The following BMPR2 variants were observed in gnomAD, a reference collection of about 807,000 sequenced individuals.
BMPR2 encodes bone morphogenetic protein receptor type 2, also known as bone morphogenetic protein receptor type-2.
BMPR2 carries 29 observed loss-of-function variants against 100.8 expected under a neutral mutation model. The observed-to-expected ratio is 0.29, with a 90% CI of 0.21 to 0.39. The LOEUF is 0.39. Among genes scored for constraint, BMPR2 ranks in the 10% least tolerant of loss-of-function variants. The pLI is 1.00. For missense variants in BMPR2, 1,011 were observed against 1,274.5 expected, an observed-to-expected ratio of 0.79 and a Z score of 3.15; for synonymous variants, 382 against 442.3, an observed-to-expected ratio of 0.86 and a Z score of 1.71.
chr2:202,476,988 A>C (rs1178300922), intron 3 of BMPR2, among the ~76,000 whole-genome samples: 1 of 151,792 alleles, frequency 6.6e-6, no homozygotes, highest in Non-Finnish European at 1.5e-5. Flanking sequence ...AGAGAAGCAT[A>C]AGGTTTCACT....
At chr2:202,378,165 C>T (rs920869125) in intron 1 of BMPR2, among the ~76,000 whole-genome samples, 1 of 152,150 alleles carries the variant, frequency 6.6e-6, no homozygotes, top group African/African-American at 2.4e-5. Context: ...TATCTATTGG[C>T]TTTGCTGTCG....
intron 1 of BMPR2, among the ~76,000 whole-genome samples, chr2:202,392,503 G>A (rs925023547): frequency 1.8e-4 from 27 of 152,126 alleles, no homozygotes; most frequent in African/African-American, 6.3e-4. Context: ...TATTTGATAC[G>A]TGTAAAATAT....
rs533993036 is a variant in BMPR2 at position 202,538,335 on chromosome 2, A to T, written c.1277-3976A>T. The stretch of plus-strand genomic sequence containing the variant: ...GCTGGTCGTGGTGGCAGTCACCTGT[A>T]ATTCTAGCTACTTGGGAGTCTGAGG... On this transcript the variant is annotated intron_variant, in intron 9 of 12. Coordinates refer to ENST00000374580, the MANE Select transcript of BMPR2 (RefSeq NM_001204.7). 2.7e-3 allele frequency among the ~76,000 whole-genome samples: 411 copies of T among 151,936 alleles called. 2 individuals are homozygous for T. Among genetic ancestry groups the T allele is most frequent in the Non-Finnish European group, 5.0e-3 (337 of 67,954 alleles).
chr2:202,406,003 A>G (rs971377298), intron 1 of BMPR2, among the ~76,000 whole-genome samples: 1 of 148,068 alleles, frequency 6.8e-6, no homozygotes, highest in African/African-American at 2.4e-5. Flanking sequence ...CTAGAACAGT[A>G]GAAACTCTGT....
intron 1 of BMPR2, among the ~76,000 whole-genome samples, chr2:202,450,872 T>C (rs1275572387): frequency 6.6e-6 from 1 of 152,140 alleles, no homozygotes; most frequent in Non-Finnish European, 1.5e-5. Flanking sequence ...TACTCTGAAA[T>C]CCCAGTTGTA....
In BMPR2 at chr2:202,556,408, G is replaced by A. The variant is rs1356985660; in HGVS notation, c.2743G>A (p.Val915Ile). 1 of 1,614,206 alleles carries A rather than the reference G, an allele frequency of 6.2e-7. No individual in the cohort carries two copies. Residue 915 changes from valine to isoleucine, a missense_variant, in exon 12 of 13, where the codon GTT becomes ATT. Transcript: ENST00000374580. ...CAGCAATCCATGTTCAGAACAAGAT[G>A]TTCTTGCACAGGGTGTTCCAAGCAC... is the stretch of plus-strand genomic sequence containing the variant. The part of the protein sequence containing the change: ...NNSNPCSEQD[V>I]LAQGVPSTAA...
At chr2:202,445,437 A>C (rs1342209603) in intron 1 of BMPR2, among the ~76,000 whole-genome samples, 2 of 149,694 alleles carry the variant, frequency 1.3e-5, no homozygotes, top group Non-Finnish European at 2.9e-5. Context: ...ATGTTGCCCA[A>C]GCTGATCTCA....
At chr2:202,399,917 A>G (rs1157725281) in intron 1 of BMPR2, among the ~76,000 whole-genome samples, 1 of 152,130 alleles carries the variant, frequency 6.6e-6, no homozygotes, top group East Asian at 1.9e-4. Context: ...TTCCAGACCA[A>G]TCCGGGGAGC....
chr2:202,376,503 G>T lies in BMPR2; in HGVS notation c.-972G>T, dbSNP rs1318862365. 7.2e-6 allele frequency among the ~76,000 whole-genome samples: 1 copy of T among 139,486 alleles called. No individual in the cohort carries two copies. The allele number at this position is 139,486 out of a possible 152,430, so 91.5% of individuals were successfully genotyped here. A position where few individuals can be genotyped will look rare whatever the true frequency, so the allele number is the denominator to read the frequency against. ...GTTCCGTCAGGAGCCCAGAGCTGCG[G>T]GAGAACGAGGCGGCGGCGGCGGCGG... On this transcript the variant is annotated 5_prime_UTR_variant, in exon 1 of 13. Transcript: ENST00000374580.
intron 1 of BMPR2, among the ~76,000 whole-genome samples, chr2:202,449,830 G>C (rs1382212576): frequency 6.6e-6 from 1 of 152,080 alleles, no homozygotes; most frequent in Non-Finnish European, 1.5e-5. Flanking sequence ...GGGTGCGGTG[G>C]CTCACGCCTG....
In BMPR2 at chr2:202,552,814, T is replaced by G. The variant is rs777417397; in HGVS notation, c.1512T>G (p.Leu504=). The G allele has an allele frequency of 3.6e-5, 58 of 1,614,046 alleles. No homozygotes were observed. Among genetic ancestry groups the G allele is most frequent in the Non-Finnish European group, 4.2e-5 (49 of 1,180,032 alleles). The change falls in exon 11 of 13, where the codon CTT becomes CTG. Residue 504 remains leucine (L), a synonymous_variant. Transcript: ENST00000374580. The part of the protein sequence containing the change: ...AQCAEERMAE[L]MMIWERNKSV... ...GTGCTGAGGAAAGGATGGCTGAACT[T>G]ATGATGATTTGGGAAAGAAACAAAT...
intron 5 of BMPR2, among the ~76,000 whole-genome samples, chr2:202,517,647 G>T (rs1687738513): frequency 6.6e-6 from 1 of 151,652 alleles, no homozygotes; most frequent in Non-Finnish European, 1.5e-5. Flanking sequence ...ACCACGCCCG[G>T]CCTCAGTTAT....
At chr2:202,473,981 T>G (rs1692487294) in intron 3 of BMPR2, among the ~76,000 whole-genome samples, 1 of 149,780 alleles carries the variant, frequency 6.7e-6, no homozygotes, top group Non-Finnish European at 1.5e-5. Flanking sequence ...GGCACACCCC[T>G]GTAGTCCCAG....
At chr2:202,475,124 T>A (rs903748853) in intron 3 of BMPR2, 1 of 152,176 alleles carries the variant, frequency 6.6e-6, no homozygotes, top group Non-Finnish European at 1.5e-5. Context: ...TCCAGGTTAC[T>A]ATATATGTTT....
In BMPR2 at chr2:202,414,827, C is replaced by G. The variant is rs556895720; in HGVS notation, c.76+37277C>G. Reference sequence around the variant, plus strand: ...CAATCTTGGCTCACTGCAGCCTCCACTTCCTGGGTTCAAGCAATTCTCCTG... The same window carrying G: ...CAATCTTGGCTCACTGCAGCCTCCAGTTCCTGGGTTCAAGCAATTCTCCTG... On this transcript the variant is annotated intron_variant, in intron 1 of 12. Coordinates refer to ENST00000374580, the MANE Select transcript of BMPR2 (RefSeq NM_001204.7). Among the ~76,000 whole-genome samples the G allele has an allele frequency of 4.6e-5, 7 of 152,248 alleles. 1 individual carries two copies. The South Asian group carries it at 1.4e-3, about 32-fold the overall frequency.
intron 3 of BMPR2, among the ~76,000 whole-genome samples, chr2:202,504,793 C>T (rs973370801): frequency 2.0e-5 from 3 of 151,196 alleles, no homozygotes; most frequent in African/African-American, 7.3e-5. Flanking sequence ...GATTCTCCTG[C>T]CTCAGCCTCC....
chr2:202,536,345 C>T (rs1688157493), intron 9 of BMPR2, among the ~76,000 whole-genome samples: 1 of 151,988 alleles, frequency 6.6e-6, no homozygotes, highest in Non-Finnish European at 1.5e-5. Context: ...AACTCCTGGG[C>T]TCAAGTGATC....
chr2:202,418,771 T>A (rs1691193613), intron 1 of BMPR2, among the ~76,000 whole-genome samples: 1 of 152,170 alleles, frequency 6.6e-6, no homozygotes. Flanking sequence ...GTAGCAGGCT[T>A]CACAGAGAAT....
chr2:202,480,724 C>A (rs1302628887), intron 3 of BMPR2, among the ~76,000 whole-genome samples: 1 of 151,660 alleles, frequency 6.6e-6, no homozygotes, highest in Non-Finnish European at 1.5e-5. Flanking sequence ...GAGGCCGAGG[C>A]GGGTGGATCA....
Sources: allele counts gnomAD v4.1 joint callset (sites outside exome capture counted in the v4.1 genomes callset), GRCh38; gene constraint gnomAD v4.1.1; transcripts MANE v1.5; gene names NCBI Gene and HGNC (gene_info 2026-07-23, HGNC 2026-07-21).